Variants in PTPRO observed in about 807,000 individuals in gnomAD.
PTPRO encodes the protein receptor-type tyrosine-protein phosphatase O.
PTPRO carries 62 observed loss-of-function variants against 145.2 expected under a neutral mutation model. The observed-to-expected ratio is 0.43, with a 90% CI of 0.35 to 0.53. The LOEUF (loss-of-function observed/expected upper bound fraction) is 0.53, where lower values mean the gene tolerates loss of function less well. Ranked by LOEUF, PTPRO falls within the 20% of genes least tolerant of loss-of-function variation. PTPRO has a pLI of 0.01. For missense variants in PTPRO, 1,345 were observed against 1,482.7 expected (o/e 0.91, Z 1.53); for synonymous variants, 565 against 514.7 (o/e 1.10, Z -1.32).
At chr12:15,435,366 TA>T (rs1940566147) in intron 1 of PTPRO, among the ~76,000 whole-genome samples, 1 of 152,194 alleles carries the variant, frequency 6.6e-6, no homozygotes, top group African/African-American at 2.4e-5. Flanking sequence ...AATTTTTGTG[TA>T]ACTGAACTGA....
At chr12:15,346,510 G>C (rs983993220) in intron 1 of PTPRO, 1 of 152,150 alleles carries the variant, frequency 6.6e-6, no homozygotes, top group Non-Finnish European at 1.5e-5. Flanking sequence ...GATCTTTATG[G>C]AACAGGCTCT....
intron 1 of PTPRO, among the ~76,000 whole-genome samples, chr12:15,456,254 T>C (rs1941174517): frequency 6.6e-6 from 1 of 152,206 alleles, no homozygotes; most frequent in Non-Finnish European, 1.5e-5. Flanking sequence ...TTTATTCTAT[T>C]AACATGGTAT....
intron 1 of PTPRO, among the ~76,000 whole-genome samples, chr12:15,396,706 G>A (rs1175946590): frequency 2.6e-5 from 4 of 152,070 alleles, no homozygotes; most frequent in African/African-American, 4.8e-5. Context: ...CTTCAACACT[G>A]TATGGACTTT....
At position 15,327,664 on chromosome 12, in the gene PTPRO, ATATG is replaced by A. The variant is rs754198267; in HGVS notation, c.75+4866_75+4869del. ...ATATCAGCTCTTTTTGCTCAAATAA[ATATG>A]TAAGTTTTTTTTGTGCGCTGGTGTC... On this transcript the variant is annotated intron_variant, in intron 1 of 26. Coordinates refer to ENST00000281171, the MANE Select transcript of PTPRO (RefSeq NM_030667.3). Among the ~76,000 whole-genome samples, 6 of 152,204 alleles carry A rather than the reference ATATG, an allele frequency of 3.9e-5. No individual in the cohort carries two copies. In the South Asian group the frequency reaches 1.2e-3, roughly 32 times the overall value.
intron 1 of PTPRO, among the ~76,000 whole-genome samples, chr12:15,386,458 A>G (rs1939032057): frequency 6.6e-6 from 1 of 152,198 alleles, no homozygotes; most frequent in Non-Finnish European, 1.5e-5. Flanking sequence ...ACAAATATGC[A>G]TATACATATA....
At chr12:15,560,344 A>C (rs913319093) in intron 17 of PTPRO, 68 bp downstream of exon 17, 22 of 1,239,600 alleles carry the variant, frequency 1.8e-5, no homozygotes, top group Non-Finnish European at 2.5e-5. Context: ...GTAAACAAAA[A>C]GGAAAGTTTC....
chr12:15,440,347 G>T, intron 1 of PTPRO: 1 of 435,884 alleles, frequency 2.3e-6, no homozygotes, highest in South Asian at 2.8e-5. Flanking sequence ...ACTTCTTCAA[G>T]ACCCACACCA....
At position 15,322,772 on chromosome 12, in the gene PTPRO, C is replaced by A. The variant is rs1159563571; in HGVS notation, c.46C>A (p.Pro16Thr). Residue 16 changes from proline (P) to threonine (T), a missense_variant, in exon 1 of 27, where the codon CCT becomes ACT. Coordinates refer to ENST00000281171, the MANE Select transcript of PTPRO (RefSeq NM_030667.3). This position sits in a 1 kb window ranked among gnomAD's most constrained non-coding sequence, Gnocchi z 6.3. The part of the protein sequence containing the change: ...TGIHGARRLL[P>T]LLWLFVLFKN... ...GATACACGGCGCCCGCCGCCTCCTG[C>A]CTCTGCTCTGGCTCTTTGTGCTGTT... is the stretch of plus-strand genomic sequence containing the variant. 1 of 1,612,956 alleles carries A rather than the reference C, an allele frequency of 6.2e-7. No individual in the cohort carries two copies. The highest frequency in any genetic ancestry group is 1.1e-5 in the South Asian group (1 of 91,022).
chr12:15,395,531 C>T (rs994214175), intron 1 of PTPRO, among the ~76,000 whole-genome samples: 3 of 151,916 alleles, frequency 2.0e-5, no homozygotes, highest in African/African-American at 7.3e-5. Flanking sequence ...AAAAATCTTC[C>T]TATAGTCTCT....
At chr12:15,365,653 A>T (rs932961459) in intron 1 of PTPRO, among the ~76,000 whole-genome samples, 7 of 152,176 alleles carry the variant, frequency 4.6e-5, no homozygotes, top group African/African-American at 1.7e-4. Context: ...TATATAAAAC[A>T]TCTTTTTATT....
At chr12:15,488,773 G>A (rs1456413965) in intron 2 of PTPRO, among the ~76,000 whole-genome samples, 2 of 152,108 alleles carry the variant, frequency 1.3e-5, no homozygotes. Flanking sequence ...AGAGTCATTT[G>A]GCCAGTTCAA....
intron 1 of PTPRO, among the ~76,000 whole-genome samples, chr12:15,340,654 T>TA (rs1262922715): frequency 1.3e-5 from 2 of 152,238 alleles, no homozygotes; most frequent in Admixed American, 1.3e-4. Flanking sequence ...AATGTAATGT[T>TA]ACGTGCTGAT....
At position 15,516,753 on chromosome 12, in the gene PTPRO, T is replaced by C. The variant is rs904277142; in HGVS notation, c.1586-10T>C. 9 of 1,594,796 alleles carry C rather than the reference T, an allele frequency of 5.6e-6. No individual in the cohort carries two copies. In the African/African-American group the frequency reaches 8.1e-5, roughly 14 times the overall value. ...CTTTCTTTTTCTACCCCCTGCCCTC[T>C]TCTTTCTAGTTCCCACAGGAATAAA... On this transcript the variant is annotated splice_polypyrimidine_tract_variant and intron_variant, in intron 8 of 26. Transcript: ENST00000281171.
intron 1 of PTPRO, among the ~76,000 whole-genome samples, chr12:15,442,293 C>A (rs1180598708): frequency 6.6e-6 from 1 of 152,054 alleles, no homozygotes; most frequent in East Asian, 1.9e-4. Flanking sequence ...TAAAATCCAA[C>A]AATTTTTTGT....
At chr12:15,425,325 A>G in intron 1 of PTPRO, among the ~76,000 whole-genome samples, 1 of 152,160 alleles carries the variant, frequency 6.6e-6, no homozygotes, top group East Asian at 1.9e-4. Flanking sequence ...CCTATGGGGA[A>G]GGTATTAACA....
intron 24 of PTPRO, among the ~76,000 whole-genome samples, chr12:15,587,932 A>C (rs1393109985): frequency 6.6e-6 from 1 of 152,216 alleles, no homozygotes; most frequent in East Asian, 1.9e-4. Context: ...ATGAGGAAGT[A>C]TATGTGTGCA....
chr12:15,500,502 C>T (rs1239134418), intron 4 of PTPRO, among the ~76,000 whole-genome samples: 1 of 152,172 alleles, frequency 6.6e-6, no homozygotes. Context: ...AGACAGGATC[C>T]TTGTGCTCAA....
intron 5 of PTPRO, among the ~76,000 whole-genome samples, chr12:15,502,955 G>T: frequency 6.6e-6 from 1 of 151,898 alleles, no homozygotes; most frequent in East Asian, 1.9e-4. Context: ...CTGACATATT[G>T]TTTACTCCTA....
intron 1 of PTPRO, among the ~76,000 whole-genome samples, chr12:15,417,981 T>G (rs1290281789): frequency 6.6e-6 from 1 of 151,852 alleles, no homozygotes; most frequent in Non-Finnish European, 1.5e-5. Flanking sequence ...GTTTGTTACT[T>G]GTCTGTCATA....
Sources: allele counts gnomAD v4.1 joint callset (sites outside exome capture counted in the v4.1 genomes callset), GRCh38; gene constraint gnomAD v4.1.1; non-coding constraint Gnocchi (gnomAD v3.1); transcripts MANE v1.5; gene names NCBI Gene and HGNC (gene_info 2026-07-23, HGNC 2026-07-21).